Variants in ALK observed in about 807,000 individuals in gnomAD.
ALK encodes ALK tyrosine kinase receptor.
ALK carries 74 observed loss-of-function variants against 163.1 expected under a neutral mutation model. That is an observed-to-expected ratio of 0.45 (90% CI 0.38 to 0.55). The LOEUF (loss-of-function observed/expected upper bound fraction) is 0.55, where lower values mean the gene tolerates loss of function less well. Among genes scored for constraint, ALK ranks in the 20% least tolerant of loss-of-function variants. The probability of loss-of-function intolerance (pLI) is 0.00; values close to 1 mark genes in which losing one functional copy is unlikely to be tolerated. For missense variants in ALK, 2,063 were observed against 2,105.3 expected, an observed-to-expected ratio of 0.98 and a Z score of 0.39; for synonymous variants, 960 against 843.2, an observed-to-expected ratio of 1.14 and a Z score of -2.40.
intron 4 of ALK, among the ~76,000 whole-genome samples, chr2:29,506,366 A>G (rs1191821785): frequency 1.3e-5 from 2 of 152,196 alleles, no homozygotes; most frequent in African/African-American, 4.8e-5. Context: ...ATAGAAGGCG[A>G]TTAGAGAATG....
At chr2:29,788,989 C>T (rs1664117309) in intron 1 of ALK, among the ~76,000 whole-genome samples, 3 of 140,660 alleles carry the variant, frequency 2.1e-5, no homozygotes, top group Non-Finnish European at 3.1e-5. Flanking sequence ...ACGGCCGAGT[C>T]TAAAAACATG....
At chr2:29,454,386 A>C (rs556320009) in intron 4 of ALK, among the ~76,000 whole-genome samples, 17 of 152,240 alleles carry the variant, frequency 1.1e-4, no homozygotes, top group African/African-American at 4.1e-4. Flanking sequence ...ACCTAATACA[A>C]TGTAAGTGCT....
intron 26 of ALK, among the ~76,000 whole-genome samples, chr2:29,206,256 T>A (rs1247763421): frequency 4.1e-5 from 6 of 148,104 alleles, no homozygotes; most frequent in Admixed American, 2.0e-4. Flanking sequence ...TCCCCTCCCT[T>A]TCTTTCTTTC....
At chr2:29,619,932 G>A (rs553400328) in intron 3 of ALK, among the ~76,000 whole-genome samples, 8 of 152,256 alleles carry the variant, frequency 5.3e-5, no homozygotes, top group African/African-American at 1.7e-4. Flanking sequence ...GAGGGGCATC[G>A]AGCTAGGGCT....
intron 1 of ALK, among the ~76,000 whole-genome samples, chr2:29,846,391 T>G (rs1665843977): frequency 1.3e-5 from 2 of 152,226 alleles, no homozygotes; most frequent in African/African-American, 4.8e-5. Context: ...CTATATAAAA[T>G]TGCCTTGTCC....
At chr2:29,203,800 T>TC (rs1442131651) in intron 26 of ALK, among the ~76,000 whole-genome samples, 1 of 151,846 alleles carries the variant, frequency 6.6e-6, no homozygotes, top group Admixed American at 6.6e-5. Flanking sequence ...ATGCCCTTTT[T>TC]CCCCATGGTG....
chr2:29,762,941 G>A (rs13411298), intron 1 of ALK, among the ~76,000 whole-genome samples: 1 of 152,004 alleles, frequency 6.6e-6, no homozygotes, highest in Non-Finnish European at 1.5e-5. Flanking sequence ...ACAAAAATTA[G>A]CTGAGCGTGG....
At chr2:29,283,906 G>A (rs189977672) in intron 9 of ALK, among the ~76,000 whole-genome samples, 2 of 152,290 alleles carry the variant, frequency 1.3e-5, no homozygotes, top group East Asian at 3.9e-4. Context: ...TCACATACTT[G>A]TGCCTATAGC....
chr2:29,560,862 G>A (rs1674002571), intron 3 of ALK, among the ~76,000 whole-genome samples: 1 of 151,668 alleles, frequency 6.6e-6, no homozygotes, highest in Non-Finnish European at 1.5e-5. Context: ...ATGAGCCACG[G>A]CACCCGGCCC....
intron 4 of ALK, among the ~76,000 whole-genome samples, chr2:29,459,124 C>A (rs889664518): frequency 6.6e-6 from 1 of 152,104 alleles, no homozygotes; most frequent in Admixed American, 6.5e-5. Context: ...AAACAAACAG[C>A]TTCTTGCAGC....
intron 4 of ALK, among the ~76,000 whole-genome samples, chr2:29,389,264 T>C (rs895447224): frequency 1.3e-5 from 2 of 152,132 alleles, no homozygotes; most frequent in Non-Finnish European, 2.9e-5. Flanking sequence ...GTGAGAGGTG[T>C]AGGCACCATA....
At chr2:29,203,918 C>T (rs1008338040) in intron 26 of ALK, among the ~76,000 whole-genome samples, 1 of 152,084 alleles carries the variant, frequency 6.6e-6, no homozygotes, top group Non-Finnish European at 1.5e-5. Context: ...TGTTCCTTCT[C>T]TCTGGGACTC....
chr2:29,532,016 C>A lies in ALK; in HGVS notation c.1053G>T (p.Val351=). Residue 351 remains valine, a synonymous_variant, in exon 4 of 29, where the codon GTG becomes GTT. Coordinates refer to ENST00000389048, the MANE Select transcript of ALK (RefSeq NM_004304.5). The part of the protein sequence containing the change: ...SSEHCTLAVS[V]HRHLQPSGRY... Reference sequence around the variant, plus strand: ...TTCCAGAGGGCTGCAGGTGCCTGTGCACCGAGACGGCCAGTGTGCAGTGCT... The same window carrying A: ...TTCCAGAGGGCTGCAGGTGCCTGTGAACCGAGACGGCCAGTGTGCAGTGCT... 6.2e-7 allele frequency: 1 copy of A among 1,614,148 alleles called. No homozygotes were observed. The highest frequency in any genetic ancestry group is 8.5e-7 in the Non-Finnish European group (1 of 1,180,020).
At chr2:29,437,564 G>A (rs1181532118) in intron 4 of ALK, among the ~76,000 whole-genome samples, 1 of 152,154 alleles carries the variant, frequency 6.6e-6, no homozygotes, top group African/African-American at 2.4e-5. Flanking sequence ...AGTTACTCCT[G>A]CTTCTTTACC....
intron 4 of ALK, among the ~76,000 whole-genome samples, chr2:29,423,352 C>T (rs7606967): frequency 0.86 from 130,998 of 152,234 alleles, 56,630 homozygotes; most frequent in East Asian, 1. Flanking sequence ...AAAGCCCTTG[C>T]GTTTTCCACC....
intron 1 of ALK, among the ~76,000 whole-genome samples, chr2:29,757,470 G>A (rs1412414683): frequency 6.6e-6 from 1 of 152,194 alleles, no homozygotes; most frequent in Non-Finnish European, 1.5e-5. Flanking sequence ...TTCATGTCCT[G>A]TAAGGAAGGT....
At chr2:29,348,437 G>T (rs1335490369) in intron 5 of ALK, among the ~76,000 whole-genome samples, 1 of 152,156 alleles carries the variant, frequency 6.6e-6, no homozygotes, top group African/African-American at 2.4e-5. Context: ...TCTACAACTT[G>T]GACAAACAGG....
chr2:29,906,314 C>T (rs945273105), intron 1 of ALK, among the ~76,000 whole-genome samples: 21 of 152,310 alleles, frequency 1.4e-4, no homozygotes, highest in South Asian at 6.2e-4. Context: ...AAATCCCATG[C>T]GGGCAAAGCC....
intron 4 of ALK, among the ~76,000 whole-genome samples, chr2:29,499,070 T>C (rs1232521606): frequency 6.6e-6 from 1 of 152,204 alleles, no homozygotes; most frequent in East Asian, 1.9e-4. Context: ...ATGAGACCTG[T>C]GGTGGCCTGC....
Sources: allele counts gnomAD v4.1 joint callset (sites outside exome capture counted in the v4.1 genomes callset), GRCh38; gene constraint gnomAD v4.1.1; transcripts MANE v1.5; gene names NCBI Gene and HGNC (gene_info 2026-07-23, HGNC 2026-07-21).